Variants in MVB12B observed in about 807,000 individuals in gnomAD.
The protein encoded by MVB12B is ESCRT-I complex subunit MVB12B.
A neutral mutation model predicts 41.6 loss-of-function variants in MVB12B; 16 were observed. The ratio of observed to expected loss-of-function variants is 0.38; its 90% CI spans 0.26 to 0.58. The LOEUF (loss-of-function observed/expected upper bound fraction) is 0.58. MVB12B is among the 20% of genes least tolerant of loss of function. The pLI is 0.62. For missense variants in MVB12B, 274 were observed against 380.2 expected, an observed-to-expected ratio of 0.72 and a Z score of 2.32; for synonymous variants, 133 against 139.7, an observed-to-expected ratio of 0.95 and a Z score of 0.34.
chr9:126,420,613 G>T (rs1239470845), intron 6 of MVB12B, among the ~76,000 whole-genome samples: 1 of 116,866 alleles, frequency 8.6e-6, no homozygotes, highest in South Asian at 2.9e-4. Flanking sequence ...GTTTTGCTCT[G>T]TTGCCCATGC....
Position 126,472,502 on chromosome 9 carries a change from C to T in MVB12B, c.758-8867C>T, listed in dbSNP as rs181591947. Among the ~76,000 whole-genome samples the T allele has an allele frequency of 2.0e-5, 3 of 148,854 alleles. No individual in the cohort carries two copies. In the East Asian group the frequency reaches 5.9e-4, roughly 29 times the overall value. On this transcript the variant is annotated intron_variant, in intron 7 of 9. Coordinates refer to ENST00000361171, the MANE Select transcript of MVB12B (RefSeq NM_033446.3). ...AAAAAAACCCACCACCCCCTTTTTC[C>T]TCCTTTAAAATAGGGGGTGGGATTA... is the stretch of plus-strand genomic sequence containing the variant.
intron 1 of MVB12B, among the ~76,000 whole-genome samples, chr9:126,336,574 C>A (rs1829283456): frequency 6.6e-6 from 1 of 152,334 alleles, no homozygotes; most frequent in East Asian, 1.9e-4. Flanking sequence ...CTATCTGCAG[C>A]ACTGCAGGCA....
Position 126,395,610 on chromosome 9 carries a change from G to T in MVB12B, c.575G>T (p.Gly192Val), listed in dbSNP as rs1831089286. The part of the protein sequence containing the change: ...LNSMGIWYRM[G>V]RVPRNHDSSQ... Reference sequence around the variant, plus strand: ...AGCATGGGGATCTGGTATCGAATGGGCAGAGTACCAAGAAATCATGACTCA... The same window carrying T: ...AGCATGGGGATCTGGTATCGAATGGTCAGAGTACCAAGAAATCATGACTCA... Residue 192 changes from glycine (G) to valine (V), a missense_variant, in exon 6 of 10, where the codon GGC becomes GTC. Coordinates refer to ENST00000361171, the MANE Select transcript of MVB12B (RefSeq NM_033446.3). The surrounding 1 kb of genome is among the most constrained non-coding windows in gnomAD (Gnocchi z 4.9). 1 of 1,614,028 alleles carries T rather than the reference G, an allele frequency of 6.2e-7. No individual in the cohort carries two copies. Among genetic ancestry groups the T allele is most frequent in the African/African-American group, 1.3e-5 (1 of 74,892 alleles).
At chr9:126,483,058 C>G (rs1178613942) in intron 8 of MVB12B, among the ~76,000 whole-genome samples, 1 of 152,254 alleles carries the variant, frequency 6.6e-6, no homozygotes, top group African/African-American at 2.4e-5. Flanking sequence ...CAGCTCCCCT[C>G]CCATCCCTGA....
At chr9:126,460,511 A>G (rs1388266259) in intron 7 of MVB12B, among the ~76,000 whole-genome samples, 6 of 152,192 alleles carry the variant, frequency 3.9e-5, no homozygotes, top group Admixed American at 1.3e-4. Context: ...TTGCAGAAGC[A>G]TCTGCTCGGA....
intron 9 of MVB12B, among the ~76,000 whole-genome samples, chr9:126,493,093 C>T (rs146806428): frequency 2.0e-5 from 3 of 152,056 alleles, no homozygotes; most frequent in African/African-American, 4.8e-5. Context: ...TTCTGCTATA[C>T]AAAAGTTTCA....
At chr9:126,502,492 C>A (rs1833978772) in intron 9 of MVB12B, among the ~76,000 whole-genome samples, 1 of 152,214 alleles carries the variant, frequency 6.6e-6, no homozygotes, top group Non-Finnish European at 1.5e-5. Flanking sequence ...GGCTTAACTC[C>A]TGCCCCCAGA....
At chr9:126,489,185 C>T (rs1183400786) in intron 9 of MVB12B, among the ~76,000 whole-genome samples, 1 of 152,234 alleles carries the variant, frequency 6.6e-6, no homozygotes, top group African/African-American at 2.4e-5. Context: ...CCGGTGTCTG[C>T]AGGGACCCTC....
intron 9 of MVB12B, among the ~76,000 whole-genome samples, chr9:126,498,415 C>T (rs1282527646): frequency 6.6e-6 from 1 of 152,242 alleles, no homozygotes; most frequent in African/African-American, 2.4e-5. Flanking sequence ...TCGTTGGCCC[C>T]AGCCTTGGCC....
In MVB12B at chr9:126,340,877, C is replaced by G. The variant is rs1035382745; in HGVS notation, c.204+247C>G. Among the ~76,000 whole-genome samples the G allele has an allele frequency of 6.6e-6, 1 of 152,170 alleles. No homozygotes were observed. Among genetic ancestry groups the G allele is most frequent in the African/African-American group, 2.4e-5 (1 of 41,442 alleles). On this transcript the variant is annotated intron_variant, in intron 2 of 9. Coordinates refer to ENST00000361171, the MANE Select transcript of MVB12B (RefSeq NM_033446.3). This position sits in a 1 kb window ranked among gnomAD's most constrained non-coding sequence, Gnocchi z 4.0. ...TTCTGTAAAATTAAGGAGTTAGATT[C>G]ATTGATTTTCAACTTCTGGTTGTGA... is the stretch of plus-strand genomic sequence containing the variant.
intron 6 of MVB12B, 98 bp from the exon 7 acceptor site, chr9:126,421,756 G>A: frequency 1.1e-6 from 1 of 902,840 alleles, no homozygotes; most frequent in South Asian, 1.4e-5. Context: ...TCTGCCCGCT[G>A]ATCTGTGCTG....
chr9:126,367,917 T>C lies in MVB12B; in HGVS notation c.205-13147T>C, dbSNP rs1181686644. Among the ~76,000 whole-genome samples, 1 of 152,122 alleles carries C rather than the reference T, an allele frequency of 6.6e-6. No individual in the cohort carries two copies. The highest frequency in any genetic ancestry group is 1.5e-5 in the Non-Finnish European group (1 of 68,012). Reference sequence around the variant, plus strand: ...CCTCGGAGGGAGGGGAGGGAGTGCCTGACATATCATAAATGGCTAGAGAAT... The same window carrying C: ...CCTCGGAGGGAGGGGAGGGAGTGCCCGACATATCATAAATGGCTAGAGAAT... On this transcript the variant is annotated intron_variant, in intron 2 of 9. Coordinates refer to ENST00000361171, the MANE Select transcript of MVB12B (RefSeq NM_033446.3). This position sits in a 1 kb window ranked among gnomAD's most constrained non-coding sequence, Gnocchi z 4.3.
intron 9 of MVB12B, among the ~76,000 whole-genome samples, chr9:126,502,171 A>G (rs968765402): frequency 6.6e-6 from 1 of 152,148 alleles, no homozygotes; most frequent in Non-Finnish European, 1.5e-5. Flanking sequence ...CCTAAAATCC[A>G]TGTGACCATG....
intron 7 of MVB12B, among the ~76,000 whole-genome samples, chr9:126,437,887 A>T (rs1156530326): frequency 6.6e-6 from 1 of 152,186 alleles, no homozygotes; most frequent in African/African-American, 2.4e-5. Flanking sequence ...AATTTTTTAT[A>T]GCCTTCTTAT....
intron 9 of MVB12B, among the ~76,000 whole-genome samples, chr9:126,498,700 T>G (rs1833889648): frequency 6.6e-6 from 1 of 152,230 alleles, no homozygotes; most frequent in African/African-American, 2.4e-5. Flanking sequence ...AGTCAGATCC[T>G]TTCTTGGGCT....
At chr9:126,381,458 A>G (rs377207778) in intron 3 of MVB12B, among the ~76,000 whole-genome samples, 14 of 152,138 alleles carry the variant, frequency 9.2e-5, no homozygotes, top group Non-Finnish European at 1.8e-4. Context: ...CCTCCAAGCA[A>G]CAGATCACAG....
chr9:126,375,639 T>C (rs1011973429), intron 2 of MVB12B, among the ~76,000 whole-genome samples: 2 of 152,136 alleles, frequency 1.3e-5, no homozygotes, highest in Admixed American at 1.3e-4. Context: ...ATTGATTTAA[T>C]CCTCGGTTCT....
intron 9 of MVB12B, among the ~76,000 whole-genome samples, chr9:126,501,865 T>C (rs559532614): frequency 6.6e-6 from 1 of 152,202 alleles, no homozygotes; most frequent in African/African-American, 2.4e-5. Flanking sequence ...GAAAGCCGCC[T>C]GCTGGTGGGC....
chr9:126,495,772 A>G (rs186346487), intron 9 of MVB12B, among the ~76,000 whole-genome samples: 486 of 152,272 alleles, frequency 3.2e-3, no homozygotes, highest in Non-Finnish European at 4.3e-3. Context: ...CTAGATAAAT[A>G]TTGGCATCCT....
Sources: allele counts gnomAD v4.1 joint callset (sites outside exome capture counted in the v4.1 genomes callset), GRCh38; gene constraint gnomAD v4.1.1; non-coding constraint Gnocchi (gnomAD v3.1); transcripts MANE v1.5; gene names NCBI Gene and HGNC (gene_info 2026-07-23, HGNC 2026-07-21).